HSD17B12: variants seen among roughly 807,000 people sequenced by gnomAD.
HSD17B12 encodes very-long-chain 3-oxoacyl-CoA reductase.
A neutral mutation model predicts 39.3 loss-of-function variants in HSD17B12; 32 were observed. The ratio of observed to expected loss-of-function variants is 0.81; its 90% CI spans 0.61 to 1.09. The LOEUF (loss-of-function observed/expected upper bound fraction) is 1.09, where lower values mean the gene tolerates loss of function less well. Ranked by LOEUF, HSD17B12 falls within the 50% of genes least tolerant of loss-of-function variation. The probability of loss-of-function intolerance (pLI) is 0.00; values close to 1 mark genes in which losing one functional copy is unlikely to be tolerated. For synonymous variants in HSD17B12, 150 were observed against 146.7 expected, an observed-to-expected ratio of 1.02 and a Z score of -0.16; for missense variants, 342 against 382.9, an observed-to-expected ratio of 0.89 and a Z score of 0.89.
intron 9 of HSD17B12, among the ~76,000 whole-genome samples, chr11:43,843,893 G>A (rs564235270): frequency 1.3e-5 from 2 of 152,186 alleles, no homozygotes; most frequent in African/African-American, 4.8e-5. Flanking sequence ...TATCTTATTT[G>A]TCTCTGTGTT....
intron 1 of HSD17B12, among the ~76,000 whole-genome samples, chr11:43,701,157 A>G (rs150854710): frequency 1.8e-4 from 27 of 152,298 alleles, no homozygotes; most frequent in African/African-American, 6.5e-4. Flanking sequence ...GTCTATACAC[A>G]TATTCTGCCC....
intron 1 of HSD17B12, chr11:43,681,313 C>T (rs1012586999): frequency 3.7e-6 from 1 of 273,020 alleles, no homozygotes; most frequent in Non-Finnish European, 6.5e-6. Context: ...GTCAGTCGCC[C>T]TGCTGCCTCC....
intron 6 of HSD17B12, among the ~76,000 whole-genome samples, chr11:43,823,271 G>A (rs1395959901): frequency 1.3e-5 from 2 of 151,600 alleles, no homozygotes; most frequent in Non-Finnish European, 2.9e-5. Flanking sequence ...TTTCTTTTGT[G>A]TGTGTTTTTC....
intron 3 of HSD17B12, among the ~76,000 whole-genome samples, chr11:43,768,741 A>G (rs1950621078): frequency 6.6e-6 from 1 of 152,178 alleles, no homozygotes; most frequent in South Asian, 2.1e-4. Flanking sequence ...CAAACATTCC[A>G]CAGCACAGAA....
chr11:43,651,169 A>G, the HSD17B12 span, among the ~76,000 whole-genome samples: 2 of 152,242 alleles, frequency 1.3e-5, no homozygotes, highest in African/African-American at 4.8e-5. Flanking sequence ...TGGAATGAAT[A>G]CCTAAAGGGC....
intron 3 of HSD17B12, chr11:43,755,642 T>C (rs1249727939): frequency 1.3e-5 from 2 of 152,246 alleles, no homozygotes; most frequent in Non-Finnish European, 2.9e-5. Flanking sequence ...GTTACCAACA[T>C]TACCACCTAC....
the HSD17B12 span, among the ~76,000 whole-genome samples, chr11:43,588,467 T>A: frequency 1.3e-5 from 2 of 152,114 alleles, no homozygotes; most frequent in African/African-American, 4.8e-5. Flanking sequence ...TATAAACTTT[T>A]TATCTTCTCG....
intron 2 of HSD17B12, 44 bp from the exon 3 acceptor site, chr11:43,754,002 A>G (rs759319633): frequency 5.4e-6 from 7 of 1,290,176 alleles, no homozygotes; most frequent in Non-Finnish European, 6.7e-6. Context: ...AATGTTTTTC[A>G]GTGACATGCA....
rs149272042 is a variant in HSD17B12, at chr11:43,820,590, G to A, written c.501+4199G>A. On this transcript the variant is annotated intron_variant, in intron 6 of 10. Coordinates refer to ENST00000278353, the MANE Select transcript of HSD17B12 (RefSeq NM_016142.3). Reference sequence around the variant, plus strand: ...AAGGTTTTATTGTGGCTGGACATCAGGGGAACTGGGGCATGGATGTCTGCA... The same window carrying A: ...AAGGTTTTATTGTGGCTGGACATCAAGGGAACTGGGGCATGGATGTCTGCA... Among the ~76,000 whole-genome samples, 1,005 of 152,338 alleles carry A rather than the reference G, an allele frequency of 6.6e-3. 17 individuals carry two copies. Among genetic ancestry groups the A allele is most frequent in the African/African-American group, 0.023 (943 of 41,570 alleles).
At chr11:43,572,781 T>C in the HSD17B12 span, among the ~76,000 whole-genome samples, 1 of 152,206 alleles carries the variant, frequency 6.6e-6, no homozygotes, top group Non-Finnish European at 1.5e-5. Flanking sequence ...ACTATTGGTT[T>C]CTTCTCTCTC....
chr11:43,677,175 A>AG (rs1241670274), upstream of HSD17B12, among the ~76,000 whole-genome samples: 5 of 152,154 alleles, frequency 3.3e-5, no homozygotes, highest in East Asian at 3.8e-4. Flanking sequence ...AGAATGGAGA[A>AG]GGGGGGGTTT....
the HSD17B12 span, chr11:43,645,980 CAAAAAA>C: frequency 1.4e-5 from 2 of 141,692 alleles, no homozygotes; most frequent in Non-Finnish European, 3.1e-5. Context: ...GACCCTGTCT[CAAAAAA>C]AAAAAAAAAA....
intron 1 of HSD17B12, among the ~76,000 whole-genome samples, chr11:43,737,950 G>T (rs1157051714): frequency 6.6e-6 from 1 of 151,538 alleles, no homozygotes; most frequent in Admixed American, 6.6e-5. Flanking sequence ...GCGGGCGCCT[G>T]TAGTCCCAGC....
chr11:43,731,145 C>T (rs1408267524), intron 1 of HSD17B12, among the ~76,000 whole-genome samples: 4 of 152,082 alleles, frequency 2.6e-5, no homozygotes, highest in Non-Finnish European at 5.9e-5. Context: ...TACAGGTGCA[C>T]ACCACCCCGC....
At chr11:43,761,586 G>A (rs796258054) in intron 3 of HSD17B12, among the ~76,000 whole-genome samples, 2 of 152,314 alleles carry the variant, frequency 1.3e-5, no homozygotes, top group African/African-American at 4.8e-5. Context: ...GCATTACTGA[G>A]GTCACTCAGT....
chr11:43,585,604 A>T, the HSD17B12 span, among the ~76,000 whole-genome samples: 8 of 152,364 alleles, frequency 5.3e-5, no homozygotes, highest in African/African-American at 1.9e-4. Context: ...TAATACGTAA[A>T]TTGACTGGAA....
the HSD17B12 span, among the ~76,000 whole-genome samples, chr11:43,614,473 A>G: frequency 2.0e-5 from 3 of 151,972 alleles, no homozygotes; most frequent in Middle Eastern, 3.2e-3. Context: ...AGATTTTTCT[A>G]TGTATATTTG....
the HSD17B12 span, chr11:43,570,290 G>T: frequency 3.9e-5 from 6 of 152,234 alleles, no homozygotes; most frequent in African/African-American, 1.4e-4. Flanking sequence ...AGAATATAGG[G>T]GGGCTAGGGA....
chr11:43,770,315 G>A (rs4755737), intron 3 of HSD17B12, among the ~76,000 whole-genome samples: 59,297 of 152,110 alleles, frequency 0.39, 12,703 homozygotes, highest in East Asian at 0.68. Flanking sequence ...CACTGGAGCT[G>A]TGTCCTTTAG....
Sources: allele counts gnomAD v4.1 joint callset (sites outside exome capture counted in the v4.1 genomes callset), GRCh38; gene constraint gnomAD v4.1.1; transcripts MANE v1.5; gene names NCBI Gene and HGNC (gene_info 2026-07-23, HGNC 2026-07-21).